Variants in HERC3 observed in about 807,000 individuals in gnomAD.
HERC3 encodes the protein probable E3 ubiquitin-protein ligase HERC3.
HERC3 carries 58 observed loss-of-function variants against 129.9 expected under a neutral mutation model. The observed-to-expected ratio is 0.45, with a 90% CI of 0.36 to 0.56. The LOEUF (loss-of-function observed/expected upper bound fraction) is 0.56, where lower values mean the gene tolerates loss of function less well. HERC3 is among the 20% of genes least tolerant of loss of function. The pLI, the probability that HERC3 is intolerant of heterozygous loss-of-function variation, is 0.00. For synonymous variants in HERC3, 430 were observed against 451.0 expected (o/e 0.95, Z 0.59); for missense variants, 835 against 1,244.2 (o/e 0.67, Z 4.95).
intron 23 of HERC3, chr4:88,697,597 T>C (rs1379626474): frequency 6.2e-7 from 1 of 1,613,492 alleles, no homozygotes; most frequent in Non-Finnish European, 8.5e-7. Flanking sequence ...CTGGGGCTCC[T>C]CAGCCATCTG....
chr4:88,694,759 GT>G (rs1040134153), intron 23 of HERC3, among the ~76,000 whole-genome samples: 1 of 152,026 alleles, frequency 6.6e-6, no homozygotes, highest in African/African-American at 2.4e-5. Context: ...TGTTATGTTT[GT>G]TTTTTATTTT....
chr4:88,597,048 C>T (rs1028732051), intron 2 of HERC3, among the ~76,000 whole-genome samples: 19 of 151,932 alleles, frequency 1.3e-4, no homozygotes, highest in African/African-American at 3.6e-4. Flanking sequence ...GCATGTGCCA[C>T]ACTATCTGTT....
intron 3 of HERC3, among the ~76,000 whole-genome samples, chr4:88,636,258 T>A (rs191440970): frequency 6.6e-6 from 1 of 152,280 alleles, no homozygotes; most frequent in East Asian, 1.9e-4. Context: ...ACCCATCTCA[T>A]GTGCAGAGAC....
At chr4:88,612,410 G>A (rs2149206201) in intron 3 of HERC3, among the ~76,000 whole-genome samples, 1 of 151,540 alleles carries the variant, frequency 6.6e-6, no homozygotes, top group South Asian at 2.1e-4. Flanking sequence ...AGTGTGTCAG[G>A]CAGCACACAG....
At chr4:88,653,205 G>A in intron 6 of HERC3, 115 bp downstream of exon 6, 1 of 984,442 alleles carries the variant, frequency 1.0e-6, no homozygotes, top group Non-Finnish European at 1.5e-6. Context: ...GAGAAGCAGT[G>A]AACACAATAG....
chr4:88,593,231 GC>G (rs1193465835), intron 1 of HERC3: 1 of 151,806 alleles, frequency 6.6e-6, no homozygotes, highest in African/African-American at 2.4e-5. Flanking sequence ...GGGGCCGGGG[GC>G]GAGGGTGTGT....
the HERC3 span, among the ~76,000 whole-genome samples, chr4:88,572,819 T>A: frequency 0.067 from 8,924 of 133,778 alleles, 498 homozygotes; most frequent in East Asian, 0.27. Context: ...AAAAAAAAAA[T>A]AATAATAATA....
chr4:88,679,152 G>C (rs984456707), intron 19 of HERC3, among the ~76,000 whole-genome samples: 15 of 152,232 alleles, frequency 9.9e-5, no homozygotes, highest in African/African-American at 3.6e-4. Flanking sequence ...GCATAAGGCT[G>C]TTCTGAGGAT....
At chr4:88,584,962 C>G in the HERC3 span, among the ~76,000 whole-genome samples, 1 of 152,154 alleles carries the variant, frequency 6.6e-6, no homozygotes, top group Non-Finnish European at 1.5e-5. Context: ...TAACAAAATA[C>G]CATACATAGA....
the HERC3 span, among the ~76,000 whole-genome samples, chr4:88,556,714 A>G: frequency 2.0e-5 from 3 of 151,384 alleles, no homozygotes; most frequent in African/African-American, 4.9e-5. Flanking sequence ...TCAGACACCA[A>G]TTAGATTCTG....
At chr4:88,528,630 CT>C in the HERC3 span, among the ~76,000 whole-genome samples, 1 of 152,150 alleles carries the variant, frequency 6.6e-6, no homozygotes, top group Non-Finnish European at 1.5e-5. Flanking sequence ...TGTCACAACC[CT>C]GTTTCTCTTT....
the HERC3 span, among the ~76,000 whole-genome samples, chr4:88,532,261 A>G: frequency 4.6e-5 from 7 of 152,328 alleles, no homozygotes; most frequent in East Asian, 1.9e-4. Context: ...TGGAAGTCCC[A>G]TAATCTGCCC....
Position 88,704,297 on chromosome 4 carries a change from C to T in HERC3, c.2841+16C>T. On this transcript the variant is annotated intron_variant, in intron 24 of 25. Transcript: ENST00000402738. ...ACTGGAAGAGGTAAGCACAAAAGAT[C>T]CTTTAACTCCTTTAACTCCGGCGAA... 2.5e-6 allele frequency: 4 copies of T among 1,608,302 alleles called. No homozygotes were observed. The highest frequency in any genetic ancestry group is 3.4e-6 in the Non-Finnish European group (4 of 1,175,286).
chr4:88,606,407 A>G (rs958173810), intron 3 of HERC3, among the ~76,000 whole-genome samples: 2 of 151,950 alleles, frequency 1.3e-5, no homozygotes, highest in Non-Finnish European at 2.9e-5. Flanking sequence ...ATGCGCCACC[A>G]CAAGACTTTT....
the HERC3 span, chr4:88,527,710 T>G: frequency 3.3e-6 from 1 of 299,288 alleles, no homozygotes; most frequent in Non-Finnish European, 6.6e-6. Context: ...GGTGGTTGCC[T>G]TCCTGGGCTG....
At chr4:88,592,639 C>T (rs1449132416) in intron 1 of HERC3, 65 bp downstream of exon 1, 1 of 152,228 alleles carries the variant, frequency 6.6e-6, no homozygotes, top group African/African-American at 2.4e-5. Flanking sequence ...CGCGCTGGGC[C>T]GCGTTCCGCC....
upstream of HERC3, among the ~76,000 whole-genome samples, chr4:88,587,802 A>G (rs931604664): frequency 6.6e-6 from 1 of 152,250 alleles, no homozygotes; most frequent in African/African-American, 2.4e-5. Context: ...TTTGGCAGTT[A>G]CATGCATGTA....
At chr4:88,664,264 C>T (rs1730816095) in intron 12 of HERC3, 52 bp downstream of exon 12, 1 of 1,432,034 alleles carries the variant, frequency 7.0e-7, no homozygotes, top group Non-Finnish European at 9.8e-7. Flanking sequence ...TAGTCTCAAG[C>T]TATTTGGAAG....
At chr4:88,549,939 C>T in the HERC3 span, among the ~76,000 whole-genome samples, 5 of 152,138 alleles carry the variant, frequency 3.3e-5, no homozygotes, top group South Asian at 2.1e-4. Context: ...AGTCAGGATA[C>T]GCGAACAGGA....
Sources: gnomAD v4.1 joint callset for allele counts (sites outside exome capture counted in the v4.1 genomes callset) on GRCh38, gnomAD v4.1.1 for gene constraint, MANE v1.5 for transcripts, NCBI Gene and HGNC (gene_info 2026-07-23, HGNC 2026-07-21) for gene names.